The following BACH1 variants were observed in gnomAD, a reference collection of about 807,000 sequenced individuals.
The protein encoded by BACH1 is transcription regulator protein BACH1.
BACH1 carries 35 observed loss-of-function variants against 52.9 expected under a neutral mutation model. The observed-to-expected ratio is 0.66, with a 90% CI of 0.51 to 0.88. The LOEUF is 0.88. BACH1 is among the 40% of genes least tolerant of loss of function. The pLI, the probability that BACH1 is intolerant of heterozygous loss-of-function variation, is 0.00. For missense variants in BACH1, 808 were observed against 872.6 expected, an observed-to-expected ratio of 0.93 and a Z score of 0.93; for synonymous variants, 321 against 319.6, an observed-to-expected ratio of 1.00 and a Z score of -0.05.
Position 29,342,418 on chromosome 21 carries a change from T to G in BACH1, c.1796T>G (p.Leu599Trp). The G allele has an allele frequency of 6.2e-7, 1 of 1,613,184 alleles. No individual in the cohort carries two copies. Among genetic ancestry groups the G allele is most frequent in the Non-Finnish European group, 8.5e-7 (1 of 1,179,396 alleles). The change falls in exon 5 of 5, where the codon TTG becomes TGG. Residue 599 changes from leucine (L) to tryptophan (W), a missense_variant. Coordinates refer to ENST00000286800, the MANE Select transcript of BACH1 (RefSeq NM_001186.4). ...IEKLQSEKESLLKERDHILST... is the reference protein window; with the variant it reads ...IEKLQSEKESWLKERDHILST... ...TCACAGCAAAGTGAAAAGGAGAGCTTGTTGAAGGAAAGAGATCACATTTTG... is the reference window on the plus strand; with the variant it reads ...TCACAGCAAAGTGAAAAGGAGAGCTGGTTGAAGGAAAGAGATCACATTTTG...
chr21:29,328,011 A>G (rs1384875782), intron 3 of BACH1, among the ~76,000 whole-genome samples: 4 of 152,224 alleles, frequency 2.6e-5, no homozygotes, highest in African/African-American at 7.2e-5. Flanking sequence ...TAATGATTCT[A>G]TGCTCATTAT....
chr21:29,360,725 AT>A (rs2089266091), intron 2 of BACH1, among the ~76,000 whole-genome samples: 2 of 151,924 alleles, frequency 1.3e-5, no homozygotes, highest in Non-Finnish European at 2.9e-5. Context: ...CACACCTGTA[AT>A]CCCAGCTACT....
chr21:29,331,574 A>C (rs1309683808), intron 4 of BACH1, among the ~76,000 whole-genome samples: 1 of 152,162 alleles, frequency 6.6e-6, no homozygotes, highest in East Asian at 1.9e-4. Flanking sequence ...ATCTAGGATG[A>C]AGAAGCCTTG....
intron 4 of BACH1, among the ~76,000 whole-genome samples, chr21:29,336,883 C>T (rs2089051635): frequency 6.6e-6 from 1 of 151,970 alleles, no homozygotes; most frequent in South Asian, 2.1e-4. Context: ...TGTTGGCCAG[C>T]CTGGTCTCGA....
intron 1 of BACH1, among the ~76,000 whole-genome samples, chr21:29,316,191 G>GT (rs972640086): frequency 4.6e-5 from 7 of 151,816 alleles, no homozygotes; most frequent in Non-Finnish European, 5.9e-5. Context: ...GTTTTTAAGA[G>GT]TTTTTTTTCC....
chr21:29,300,991 C>T (rs1377785910), intron 1 of BACH1, among the ~76,000 whole-genome samples: 2 of 152,140 alleles, frequency 1.3e-5, no homozygotes, highest in Non-Finnish European at 2.9e-5. Flanking sequence ...TAAAAAGGAG[C>T]ACACAACCCA....
chr21:29,347,057 T>TA (rs1346368716), downstream of BACH1, among the ~76,000 whole-genome samples: 1 of 152,168 alleles, frequency 6.6e-6, no homozygotes. Context: ...GTAAGGGCTT[T>TA]AAGAGCAACA....
At chr21:29,313,628 A>G (rs1274962257) in intron 1 of BACH1, among the ~76,000 whole-genome samples, 1 of 152,242 alleles carries the variant, frequency 6.6e-6, no homozygotes, top group Non-Finnish European at 1.5e-5. Flanking sequence ...AATACAAAGG[A>G]ACATCTGATG....
chr21:29,328,504 T>C (rs2088941871), intron 3 of BACH1, among the ~76,000 whole-genome samples: 1 of 152,190 alleles, frequency 6.6e-6, no homozygotes, highest in Non-Finnish European at 1.5e-5. Context: ...ATTTTTCTAT[T>C]TTATCCATTG....
chr21:29,328,440 T>C (rs1018400449), intron 3 of BACH1, among the ~76,000 whole-genome samples: 3 of 152,100 alleles, frequency 2.0e-5, no homozygotes, highest in Non-Finnish European at 4.4e-5. Flanking sequence ...TTTTTTGCCT[T>C]TCAATAGTTG....
rs1318909658 is a variant in BACH1 at position 29,329,606 on chromosome 21, A to G, written c.1689A>G (p.Arg563=). Residue 563 remains arginine, a synonymous_variant, in exon 4 of 5, where the codon AGA becomes AGG. Coordinates refer to ENST00000286800, the MANE Select transcript of BACH1 (RefSeq NM_001186.4). ...EQLDCIHDIR[R]RSKNRIAAQR... ...TGGATTGTATCCATGATATTCGAAGAAGAAGTAAAAACAGAATTGCTGCAC... is the reference window on the plus strand; with the variant it reads ...TGGATTGTATCCATGATATTCGAAGGAGAAGTAAAAACAGAATTGCTGCAC... 8 of 1,606,146 alleles carry G rather than the reference A, an allele frequency of 5.0e-6. No homozygotes were observed. Among genetic ancestry groups the G allele is most frequent in the Non-Finnish European group, 6.8e-6 (8 of 1,177,278 alleles).
chr21:29,312,319 T>C (rs1039864476), intron 1 of BACH1, among the ~76,000 whole-genome samples: 2 of 152,218 alleles, frequency 1.3e-5, no homozygotes, highest in Non-Finnish European at 2.9e-5. Flanking sequence ...GTTGCTCATC[T>C]TAGAAAATCT....
At chr21:29,321,727 C>A (rs1334500359) in intron 2 of BACH1, among the ~76,000 whole-genome samples, 1 of 146,208 alleles carries the variant, frequency 6.8e-6, no homozygotes, top group Non-Finnish European at 1.5e-5. Context: ...TTGGATATAA[C>A]ATAACACCCA....
intron 3 of BACH1, 87 bp downstream of exon 3, chr21:29,327,480 A>G: frequency 1.3e-6 from 2 of 1,499,712 alleles, no homozygotes; most frequent in Non-Finnish European, 1.8e-6. Flanking sequence ...ATCATTAGGG[A>G]TATAATCAGG....
At chr21:29,312,659 C>T (rs886189763) in intron 1 of BACH1, among the ~76,000 whole-genome samples, 1 of 152,002 alleles carries the variant, frequency 6.6e-6, no homozygotes, top group Admixed American at 6.5e-5. Flanking sequence ...TTAAAAAAAC[C>T]AACTCTGTAT....
At chr21:29,359,983 C>A (rs1454475905) in intron 2 of BACH1, among the ~76,000 whole-genome samples, 1 of 152,176 alleles carries the variant, frequency 6.6e-6, no homozygotes, top group Non-Finnish European at 1.5e-5. Context: ...GCATCAGTGA[C>A]TATTCCTCTA....
Position 29,326,099 on chromosome 21 carries a change from A to T in BACH1, c.275A>T (p.Tyr92Phe). The T allele has an allele frequency of 6.2e-7, 1 of 1,612,990 alleles. No individual in the cohort carries two copies. Among genetic ancestry groups the T allele is most frequent in the Non-Finnish European group, 8.5e-7 (1 of 1,179,576 alleles). Residue 92 changes from tyrosine to phenylalanine, a missense_variant, in exon 3 of 5, where the codon TAC becomes TTC. Tyr to Phe is a conservative substitution (Grantham distance 22). Coordinates refer to ENST00000286800, the MANE Select transcript of BACH1 (RefSeq NM_001186.4). ...KGFEPLIQFA[Y>F]TAKLILSKEN... ...TTTGAACCTTTAATTCAGTTTGCCT[A>T]CACTGCTAAACTGATTTTAAGTAAA...
At position 29,344,435 on chromosome 21, in the gene BACH1, A is replaced by G. The variant is rs2089147557; in HGVS notation, c.*1602A>G. The G allele has an allele frequency of 6.6e-6, 1 of 152,616 alleles. No individual in the cohort carries two copies. Among genetic ancestry groups the G allele is most frequent in the South Asian group, 2.1e-4 (1 of 4,832 alleles). The allele number at this position is 152,616 out of a possible 1,614,324, so 9.5% of individuals were successfully genotyped here. On this transcript the variant is annotated 3_prime_UTR_variant, in exon 5 of 5. Coordinates refer to ENST00000286800, the MANE Select transcript of BACH1 (RefSeq NM_001186.4). The stretch of plus-strand genomic sequence containing the variant: ...TTCATGTCTTGGAGTAATTTGTCAA[A>G]TGTTACCCTTTTTGATCAGGGTGTA...
At chr21:29,350,487 G>C (rs896272322), downstream of BACH1, among the ~76,000 whole-genome samples, 1 of 152,208 alleles carries the variant, frequency 6.6e-6, no homozygotes, top group Non-Finnish European at 1.5e-5. Flanking sequence ...ACCTTATCAG[G>C]TTGTTTCTTG....
Sources: gnomAD v4.1 joint callset for allele counts (sites outside exome capture counted in the v4.1 genomes callset) on GRCh38, gnomAD v4.1.1 for gene constraint, MANE v1.5 for transcripts, NCBI Gene and HGNC (gene_info 2026-07-23, HGNC 2026-07-21) for gene names.